DPY19L1: variants seen among roughly 807,000 people sequenced by gnomAD.
DPY19L1 encodes the protein protein C-mannosyl-transferase DPY19L1.
In DPY19L1, 35 loss-of-function variants were observed where a neutral mutation model predicts 96.9. The ratio of observed to expected loss-of-function variants is 0.36; its 90% CI spans 0.28 to 0.48. The LOEUF (loss-of-function observed/expected upper bound fraction) is 0.48. DPY19L1 is among the 20% of genes least tolerant of loss of function. DPY19L1 has a pLI of 0.99. For missense variants in DPY19L1, 521 were observed against 777.9 expected (o/e 0.67, Z 3.93); for synonymous variants, 205 against 252.6 (o/e 0.81, Z 1.79).
chr7:35,032,701 T>A (rs957293764), intron 1 of DPY19L1, among the ~76,000 whole-genome samples: 3 of 152,072 alleles, frequency 2.0e-5, no homozygotes, highest in African/African-American at 7.2e-5. Flanking sequence ...CTTGACCTTT[T>A]CCTTCAAACC....
intron 7 of DPY19L1, among the ~76,000 whole-genome samples, chr7:34,980,151 G>GA (rs975314342): frequency 2.6e-5 from 4 of 152,172 alleles, no homozygotes; most frequent in African/African-American, 9.6e-5. Context: ...ATTCAGCGGG[G>GA]AAAAATCTTC....
chr7:34,972,893 T>A (rs1224147271), intron 8 of DPY19L1, among the ~76,000 whole-genome samples: 1 of 152,202 alleles, frequency 6.6e-6, no homozygotes, highest in African/African-American at 2.4e-5. Flanking sequence ...GGTTCTATAC[T>A]TGCTGTAACA....
chr7:34,958,382 T>C (rs1353742544), intron 10 of DPY19L1, among the ~76,000 whole-genome samples: 3 of 152,256 alleles, frequency 2.0e-5, no homozygotes, highest in African/African-American at 7.2e-5. Flanking sequence ...GAGCTTTCCA[T>C]ACACATGCAA....
At chr7:34,958,214 C>T (rs773847103) in intron 10 of DPY19L1, 144 bp from the exon 11 acceptor site, 25 of 515,118 alleles carry the variant, frequency 4.9e-5, no homozygotes, top group Non-Finnish European at 8.2e-5. Flanking sequence ...CTCCATCTCA[C>T]ACTTCAAACT....
chr7:34,961,791 A>C (rs919352107), intron 10 of DPY19L1, among the ~76,000 whole-genome samples: 4 of 152,184 alleles, frequency 2.6e-5, no homozygotes, highest in Non-Finnish European at 5.9e-5. Context: ...GGAAATGAAC[A>C]ACCCAAGGAA....
chr7:34,945,479 A>AT (rs1784125917), intron 16 of DPY19L1, among the ~76,000 whole-genome samples, 188 bp downstream of exon 16: 1 of 152,216 alleles, frequency 6.6e-6, no homozygotes, highest in Non-Finnish European at 1.5e-5. Context: ...TGAAGGATGA[A>AT]TAAGTGATGT....
At chr7:34,992,068 G>A (rs926370970) in intron 6 of DPY19L1, among the ~76,000 whole-genome samples, 1 of 152,174 alleles carries the variant, frequency 6.6e-6, no homozygotes, top group African/African-American at 2.4e-5. Flanking sequence ...GTCAAAGGAT[G>A]TGAGCTGTGC....
chr7:35,007,588 GGT>G (rs71551083), intron 6 of DPY19L1, among the ~76,000 whole-genome samples: 110 of 150,398 alleles, frequency 7.3e-4, no homozygotes, highest in Middle Eastern at 3.4e-3. Flanking sequence ...ACACACGTGT[GGT>G]GTGTGTGTGT....
chr7:35,036,114 A>G (rs1023707854), intron 1 of DPY19L1, among the ~76,000 whole-genome samples: 13 of 152,174 alleles, frequency 8.5e-5, no homozygotes, highest in Non-Finnish European at 1.9e-4. Context: ...TCTCAGGGGA[A>G]GCCAATTTGC....
At position 35,037,150 on chromosome 7, in the gene DPY19L1, G is replaced by T. The variant is rs1218767560; in HGVS notation, c.245C>A (p.Ala82Glu). The T allele has an allele frequency of 5.4e-6, 1 of 184,836 alleles. No individual in the cohort carries two copies. Among genetic ancestry groups the T allele is most frequent in the Non-Finnish European group, 1.1e-5 (1 of 90,356 alleles). The allele number at this position is 184,836 out of a possible 1,614,324, so 11.4% of individuals were successfully genotyped here. Reference sequence around the variant, plus strand: ...GCGCCCCGCGCGCCGCAGGCCCAGCGCCCAGCGCAGCCGGGCGGCCAGGCG... The same window carrying T: ...GCGCCCCGCGCGCCGCAGGCCCAGCTCCCAGCGCAGCCGGGCGGCCAGGCG... ...GGRLAARLRW[A>E]LGLRRAGRGR... Residue 82 changes from alanine to glutamate, a missense_variant, in exon 1 of 22, where the codon GCG becomes GAG. By Grantham distance (107) the Ala-to-Glu change is moderately radical. Transcript: ENST00000638088.
intron 3 of DPY19L1, among the ~76,000 whole-genome samples, chr7:35,014,486 C>G (rs1379504611): frequency 6.6e-6 from 1 of 152,104 alleles, no homozygotes; most frequent in Non-Finnish European, 1.5e-5. Flanking sequence ...AAATCTACGT[C>G]TTGTATTTGC....
chr7:34,997,436 C>CAAAAAAAAAAAAAA (rs397836742), intron 6 of DPY19L1, among the ~76,000 whole-genome samples: 4 of 91,932 alleles, frequency 4.4e-5, no homozygotes, highest in Admixed American at 1.2e-4. Context: ...ACTAAAAATA[C>CAAAAAAAAAAAAAA]AAAAAAAAAA....
intron 6 of DPY19L1, among the ~76,000 whole-genome samples, chr7:35,008,583 C>T (rs1192458211): frequency 2.6e-5 from 4 of 152,212 alleles, no homozygotes; most frequent in African/African-American, 9.6e-5. Flanking sequence ...GTTCCAGCTA[C>T]TTGGGAGGCT....
At chr7:34,939,040 C>T (rs1637695) in intron 20 of DPY19L1, 35 of 389,998 alleles carry the variant, frequency 9.0e-5, no homozygotes, top group African/African-American at 6.8e-4. Context: ...AGTATGACTT[C>T]GTTTATATGC....
At chr7:34,986,689 G>C (rs1324040892) in intron 7 of DPY19L1, among the ~76,000 whole-genome samples, 2 of 151,992 alleles carry the variant, frequency 1.3e-5, no homozygotes, top group African/African-American at 2.4e-5. Flanking sequence ...TCTCAGTTCA[G>C]TGGAAAAATA....
At chr7:34,953,029 G>A (rs985431631) in intron 13 of DPY19L1, among the ~76,000 whole-genome samples, 3 of 152,088 alleles carry the variant, frequency 2.0e-5, no homozygotes, top group Non-Finnish European at 2.9e-5. Context: ...GGGCAGGACC[G>A]AGTGTGGCTA....
Position 34,941,752 on chromosome 7 carries a change from C to T in DPY19L1, c.1689+13G>A, listed in dbSNP as rs1383057007. On this transcript the variant is annotated intron_variant, in intron 18 of 21. Transcript: ENST00000638088. Reference sequence around the variant, plus strand: ...AATTATCATAGTAGCTATACTCCAACATAACATGTTACCTGTCTTGAGCAG... The same window carrying T: ...AATTATCATAGTAGCTATACTCCAATATAACATGTTACCTGTCTTGAGCAG... 1 of 1,597,754 alleles carries T rather than the reference C, an allele frequency of 6.3e-7. No individual in the cohort carries two copies.
chr7:35,033,497 T>G (rs1055755663), intron 1 of DPY19L1, among the ~76,000 whole-genome samples: 4 of 152,362 alleles, frequency 2.6e-5, no homozygotes, highest in African/African-American at 9.6e-5. Flanking sequence ...ATGAACTTAC[T>G]GTGCTATTTT....
At chr7:34,944,585 A>G (rs1784101707) in intron 16 of DPY19L1, among the ~76,000 whole-genome samples, 1 of 152,128 alleles carries the variant, frequency 6.6e-6, no homozygotes, top group Non-Finnish European at 1.5e-5. Context: ...AAAGAGAAGT[A>G]TAATTATCCT....
Sources: gnomAD v4.1 joint callset for allele counts (sites outside exome capture counted in the v4.1 genomes callset) on GRCh38, gnomAD v4.1.1 for gene constraint, MANE v1.5 for transcripts, NCBI Gene and HGNC (gene_info 2026-07-23, HGNC 2026-07-21) for gene names.